SNTG1: variants seen among roughly 807,000 people sequenced by gnomAD.
The protein encoded by SNTG1 is gamma-1-syntrophin.
SNTG1 carries 39 observed loss-of-function variants against 74.7 expected under a neutral mutation model. The observed-to-expected ratio is 0.52, with a 90% CI of 0.40 to 0.68. The LOEUF is 0.68. Among genes scored for constraint, SNTG1 ranks in the 30% least tolerant of loss-of-function variants. The pLI is 0.00. For missense variants in SNTG1, 685 were observed against 609.5 expected (o/e 1.12, Z -1.30); for synonymous variants, 254 against 217.1 (o/e 1.17, Z -1.49).
chr8:50,110,159 A>C (rs2080527710), intron 1 of SNTG1, among the ~76,000 whole-genome samples: 1 of 152,132 alleles, frequency 6.6e-6, no homozygotes, highest in African/African-American at 2.4e-5. Flanking sequence ...CTCTTCCCTT[A>C]TCATCATGCA....
chr8:50,290,412 G>GT (rs1278641348), intron 2 of SNTG1, among the ~76,000 whole-genome samples: 2 of 152,128 alleles, frequency 1.3e-5, no homozygotes, highest in Non-Finnish European at 2.9e-5. Flanking sequence ...GAATCGTAGG[G>GT]TGAATAATGC....
At chr8:50,441,282 G>C (rs2093355309) in intron 5 of SNTG1, among the ~76,000 whole-genome samples, 1 of 152,098 alleles carries the variant, frequency 6.6e-6, no homozygotes, top group Non-Finnish European at 1.5e-5. Context: ...CTCCAGCCAG[G>C]GTACCTTGTA....
At chr8:50,050,755 C>T (rs1011821012) in intron 1 of SNTG1, among the ~76,000 whole-genome samples, 1 of 151,992 alleles carries the variant, frequency 6.6e-6, no homozygotes, top group African/African-American at 2.4e-5. Flanking sequence ...TACAGGTCAA[C>T]ATCCCATATC....
chr8:50,154,224 C>G (rs1013044865), intron 1 of SNTG1, among the ~76,000 whole-genome samples: 1 of 152,188 alleles, frequency 6.6e-6, no homozygotes, highest in African/African-American at 2.4e-5. Context: ...TGGGACCCCC[C>G]AAGCCAGGCA....
At chr8:50,576,418 CT>C (rs1205493342) in intron 12 of SNTG1, among the ~76,000 whole-genome samples, 1 of 152,010 alleles carries the variant, frequency 6.6e-6, no homozygotes, top group East Asian at 1.9e-4. Flanking sequence ...TGGTATTGTT[CT>C]TTGTTAAGAT....
intron 12 of SNTG1, among the ~76,000 whole-genome samples, chr8:50,578,842 A>G (rs947037122): frequency 6.6e-6 from 1 of 152,114 alleles, no homozygotes; most frequent in Non-Finnish European, 1.5e-5. Context: ...TTTATAAATT[A>G]CCCAGACTTG....
chr8:50,432,861 G>T (rs145368780), intron 4 of SNTG1, among the ~76,000 whole-genome samples: 1 of 150,810 alleles, frequency 6.6e-6, no homozygotes, highest in Non-Finnish European at 1.5e-5. Flanking sequence ...GCACAGTCTC[G>T]GCTACTGCAA....
chr8:50,571,218 T>C (rs2094547584), intron 12 of SNTG1, among the ~76,000 whole-genome samples: 1 of 152,140 alleles, frequency 6.6e-6, no homozygotes, highest in African/African-American at 2.4e-5. Context: ...CCCCATAGCA[T>C]ACCAACGCTG....
At chr8:50,060,765 CT>C (rs1477348864) in intron 1 of SNTG1, among the ~76,000 whole-genome samples, 1 of 152,022 alleles carries the variant, frequency 6.6e-6, no homozygotes, top group East Asian at 1.9e-4. Flanking sequence ...TACCCTACCC[CT>C]ATGGATATGT....
intron 12 of SNTG1, among the ~76,000 whole-genome samples, chr8:50,586,626 A>G (rs2094649993): frequency 6.9e-6 from 1 of 144,458 alleles, no homozygotes; most frequent in South Asian, 2.2e-4. Flanking sequence ...AAATAATGAC[A>G]TTCTCTCCTG....
intron 12 of SNTG1, among the ~76,000 whole-genome samples, chr8:50,573,790 AG>A (rs1289625203): frequency 3.9e-5 from 6 of 151,908 alleles, no homozygotes; most frequent in African/African-American, 1.4e-4. Context: ...CTAATGAAAA[AG>A]TTTCTATTTA....
At chr8:50,199,179 C>T (rs1436668007) in intron 2 of SNTG1, among the ~76,000 whole-genome samples, 1 of 149,068 alleles carries the variant, frequency 6.7e-6, no homozygotes, top group African/African-American at 2.5e-5. Flanking sequence ...TTAGACAAAA[C>T]TGTTGAATGT....
intron 1 of SNTG1, among the ~76,000 whole-genome samples, chr8:50,102,232 CTTTT>C (rs1417374545): frequency 2.0e-5 from 3 of 147,792 alleles, no homozygotes; most frequent in African/African-American, 7.5e-5. Flanking sequence ...TGTTTCCTGA[CTTTT>C]TAATGATTGC....
chr8:50,696,352 T>C (rs2095405225), intron 15 of SNTG1, among the ~76,000 whole-genome samples: 2 of 152,114 alleles, frequency 1.3e-5, no homozygotes, highest in Non-Finnish European at 2.9e-5. Context: ...GAGTTCCTCA[T>C]AGATTCTGGA....
At chr8:50,648,647 T>C (rs535855238) in intron 13 of SNTG1, among the ~76,000 whole-genome samples, 12 of 152,270 alleles carry the variant, frequency 7.9e-5, no homozygotes, top group Admixed American at 3.3e-4. Flanking sequence ...AAAACTGTTA[T>C]TAATACACAT....
At chr8:50,766,360 G>A (rs2095613905) in intron 18 of SNTG1, among the ~76,000 whole-genome samples, 1 of 152,002 alleles carries the variant, frequency 6.6e-6, no homozygotes, top group African/African-American at 2.4e-5. Context: ...AATTGTATGT[G>A]GCTTGTGATG....
chr8:50,330,328 C>A (rs939875043), intron 2 of SNTG1, among the ~76,000 whole-genome samples: 2 of 152,174 alleles, frequency 1.3e-5, no homozygotes, highest in Non-Finnish European at 2.9e-5. Flanking sequence ...CCCAGCCTTG[C>A]TGAACTGTGA....
chr8:50,061,935 C>G (rs539722621), intron 1 of SNTG1, among the ~76,000 whole-genome samples: 6 of 152,224 alleles, frequency 3.9e-5, no homozygotes, highest in African/African-American at 1.4e-4. Context: ...TATTCTGCTA[C>G]TAATGGGTAA....
At chr8:50,367,778 T>C (rs1239024109) in intron 2 of SNTG1, among the ~76,000 whole-genome samples, 3 of 151,286 alleles carry the variant, frequency 2.0e-5, no homozygotes, top group Admixed American at 1.3e-4. Flanking sequence ...TTGTATTGTA[T>C]ACACACACAC....
Sources: allele counts gnomAD v4.1 joint callset (sites outside exome capture counted in the v4.1 genomes callset), GRCh38; gene constraint gnomAD v4.1.1; transcripts MANE v1.5; gene names NCBI Gene and HGNC (gene_info 2026-07-23, HGNC 2026-07-21).